Variants in BMERB1 observed in about 807,000 individuals in gnomAD.
BMERB1 encodes the protein bMERB domain containing 1, also known as bMERB domain-containing protein 1.
BMERB1 carries 12 observed loss-of-function variants against 23.6 expected under a neutral mutation model. The ratio of observed to expected loss-of-function variants is 0.51; its 90% CI spans 0.33 to 0.82. BMERB1 has a LOEUF of 0.82. Ranked by LOEUF, BMERB1 falls within the 40% of genes least tolerant of loss-of-function variation. The pLI is 0.03. For missense variants in BMERB1, 247 were observed against 255.4 expected (o/e 0.97, Z 0.22); for synonymous variants, 122 against 96.6 (o/e 1.26, Z -1.54).
At chr16:15,551,374 G>T (rs983764068) in intron 2 of BMERB1, among the ~76,000 whole-genome samples, 1 of 152,168 alleles carries the variant, frequency 6.6e-6, no homozygotes, top group African/African-American at 2.4e-5. Context: ...CCTTAAAGGA[G>T]GTGCAGTCTG....
At chr16:15,542,711 A>G (rs1314235769) in intron 2 of BMERB1, among the ~76,000 whole-genome samples, 1 of 148,200 alleles carries the variant, frequency 6.7e-6, no homozygotes, top group African/African-American at 2.5e-5. Context: ...ACCTAACCAC[A>G]TAATAACTGT....
At chr16:15,578,062 G>A (rs2030914901) in intron 3 of BMERB1, among the ~76,000 whole-genome samples, 1 of 152,020 alleles carries the variant, frequency 6.6e-6, no homozygotes, top group South Asian at 2.1e-4. Context: ...GGCATTCCTT[G>A]GGGGGGAAAT....
intron 5 of BMERB1, 98 bp from the exon 6 acceptor site, chr16:15,586,619 C>T (rs1461138563): frequency 1.1e-6 from 1 of 948,340 alleles, no homozygotes; most frequent in Admixed American, 2.0e-5. Flanking sequence ...CCAGGGGTTG[C>T]AGTGGGGCTG....
intron 1 of BMERB1, among the ~76,000 whole-genome samples, chr16:15,468,733 T>G (rs1409714654): frequency 6.6e-6 from 1 of 152,168 alleles, no homozygotes; most frequent in African/African-American, 2.4e-5. Flanking sequence ...AGATTATGCT[T>G]TGGTGTCAAA....
intron 2 of BMERB1, chr16:15,532,931 T>C (rs2051983882): frequency 2.2e-6 from 1 of 449,482 alleles, no homozygotes; most frequent in Admixed American, 2.4e-5. Context: ...TAAGTGTGTT[T>C]ACTTGCTCCG....
Position 15,474,792 on chromosome 16 carries a change from G to A in BMERB1, c.106+40033G>A, listed in dbSNP as rs557991567. ...CAACCTCTGCCTCCGGTGTTCAAGCGATTCTCCTGCCTCAGCCTCCCTAGT... is the reference window on the plus strand; with the variant it reads ...CAACCTCTGCCTCCGGTGTTCAAGCAATTCTCCTGCCTCAGCCTCCCTAGT... On this transcript the variant is annotated intron_variant, in intron 1 of 5. Coordinates refer to ENST00000300006, the MANE Select transcript of BMERB1 (RefSeq NM_033201.3). Among the ~76,000 whole-genome samples, 3 of 152,108 alleles carry A rather than the reference G, an allele frequency of 2.0e-5. 1 individual carries two copies. In the South Asian group the frequency reaches 6.2e-4, roughly 32 times the overall value.
chr16:15,464,660 C>G (rs530685746), intron 1 of BMERB1, among the ~76,000 whole-genome samples: 13 of 152,232 alleles, frequency 8.5e-5, no homozygotes, highest in African/African-American at 2.4e-4. Flanking sequence ...TGGGTAACTT[C>G]CAGAAGTTGC....
intron 1 of BMERB1, among the ~76,000 whole-genome samples, chr16:15,454,883 A>T (rs1382561675): frequency 1.3e-5 from 2 of 152,134 alleles, no homozygotes; most frequent in African/African-American, 4.8e-5. Context: ...AGTAAGTTCC[A>T]CCTGAAAGAC....
chr16:15,553,865 T>G (rs1010134082), intron 2 of BMERB1, among the ~76,000 whole-genome samples: 3 of 152,132 alleles, frequency 2.0e-5, no homozygotes, highest in African/African-American at 7.2e-5. Context: ...CTCCTTGGTG[T>G]GGAAATACTG....
intron 1 of BMERB1, among the ~76,000 whole-genome samples, chr16:15,477,678 C>G (rs1454540528): frequency 6.6e-6 from 1 of 151,242 alleles, no homozygotes; most frequent in Non-Finnish European, 1.5e-5. Context: ...TCTTTCTTTT[C>G]TTTTGATTCA....
rs1235106841 is a variant in BMERB1 at position 15,497,190 on chromosome 16, G to T, written c.107-18115G>T. The stretch of plus-strand genomic sequence containing the variant: ...TTGCTAAGGAAGGAGGCTTTACTCA[G>T]GTGTTGCAGCCAAGGAGCCAGTAAC... On this transcript the variant is annotated intron_variant, in intron 1 of 5. Coordinates refer to ENST00000300006, the MANE Select transcript of BMERB1 (RefSeq NM_033201.3). Among the ~76,000 whole-genome samples the T allele has an allele frequency of 2.0e-5, 3 of 152,118 alleles. No homozygotes were observed. In the East Asian group the frequency reaches 5.8e-4, roughly 29 times the overall value.
chr16:15,438,855 A>G (rs1361224123), intron 1 of BMERB1, among the ~76,000 whole-genome samples: 2 of 152,208 alleles, frequency 1.3e-5, no homozygotes, highest in African/African-American at 4.8e-5. Flanking sequence ...GATCCATTCC[A>G]TAAAGCCTGG....
intron 2 of BMERB1, among the ~76,000 whole-genome samples, chr16:15,550,593 C>T (rs2030060781): frequency 6.6e-6 from 1 of 151,852 alleles, no homozygotes; most frequent in Non-Finnish European, 1.5e-5. Context: ...CTGCCTCAGC[C>T]TCCCAAAGTG....
At chr16:15,448,653 A>G (rs984304569) in intron 1 of BMERB1, among the ~76,000 whole-genome samples, 9 of 152,154 alleles carry the variant, frequency 5.9e-5, no homozygotes, top group African/African-American at 2.2e-4. Flanking sequence ...TTAGCTGGGC[A>G]TGGTGGTGCA....
At chr16:15,549,927 C>T (rs1336458318) in intron 2 of BMERB1, among the ~76,000 whole-genome samples, 1 of 151,832 alleles carries the variant, frequency 6.6e-6, no homozygotes, top group East Asian at 1.9e-4. Context: ...TGCTTCTATC[C>T]TACCTGATAT....
intron 4 of BMERB1, among the ~76,000 whole-genome samples, chr16:15,581,815 C>T (rs749157611): frequency 3.9e-5 from 6 of 152,204 alleles, no homozygotes; most frequent in Non-Finnish European, 8.8e-5. Context: ...TTGACCTCGA[C>T]AACCACAGCC....
chr16:15,577,498 T>G (rs1250047740), intron 3 of BMERB1, among the ~76,000 whole-genome samples: 1 of 152,136 alleles, frequency 6.6e-6, no homozygotes, highest in Non-Finnish European at 1.5e-5. Context: ...CGAGGCAAGT[T>G]TTAGAGAAGG....
chr16:15,441,183 A>T (rs1002488548), intron 1 of BMERB1, among the ~76,000 whole-genome samples: 1 of 152,194 alleles, frequency 6.6e-6, no homozygotes, highest in Admixed American at 6.5e-5. Flanking sequence ...CTGCTAAAAA[A>T]TTTTAATCAA....
intron 1 of BMERB1, among the ~76,000 whole-genome samples, chr16:15,443,014 G>A (rs1185450196): frequency 3.3e-5 from 5 of 151,532 alleles, no homozygotes; most frequent in East Asian, 1.9e-4. Context: ...TTGGGAGGCC[G>A]AGGCTGGTGG....
Sources: allele counts gnomAD v4.1 joint callset (sites outside exome capture counted in the v4.1 genomes callset), GRCh38; gene constraint gnomAD v4.1.1; transcripts MANE v1.5; gene names NCBI Gene and HGNC (gene_info 2026-07-23, HGNC 2026-07-21).